Variants in GALNT13 observed in about 807,000 individuals in gnomAD.
GALNT13 encodes polypeptide N-acetylgalactosaminyltransferase 13, also known as UDP-GalNAc:polypeptide N-acetylgalactosaminyltransferase 13.
In GALNT13, 28 loss-of-function variants were observed where a neutral mutation model predicts 64.2. The observed-to-expected ratio is 0.44, with a 90% CI of 0.32 to 0.60. The LOEUF (loss-of-function observed/expected upper bound fraction) is 0.60, where lower values mean the gene tolerates loss of function less well. Ranked by LOEUF, GALNT13 falls within the 20% of genes least tolerant of loss-of-function variation. GALNT13 has a pLI of 0.05. For synonymous variants in GALNT13, 214 were observed against 224.6 expected, an observed-to-expected ratio of 0.95 and a Z score of 0.42; for missense variants, 577 against 669.8, an observed-to-expected ratio of 0.86 and a Z score of 1.53.
At chr2:153,891,812 T>C (rs56314627) in intron 1 of GALNT13, among the ~76,000 whole-genome samples, 19,734 of 152,016 alleles carry the variant, frequency 0.13, 1,432 homozygotes, top group South Asian at 0.21. Flanking sequence ...TCAAGGTCCT[T>C]CTTAGAGATC....
At chr2:153,342,445 T>C in the GALNT13 span, among the ~76,000 whole-genome samples, 1 of 152,224 alleles carries the variant, frequency 6.6e-6, no homozygotes, top group Admixed American at 6.5e-5. Flanking sequence ...TAATGAGCAG[T>C]GGTGTTCAAT....
chr2:153,719,469 G>A, the GALNT13 span, among the ~76,000 whole-genome samples: 1 of 152,140 alleles, frequency 6.6e-6, no homozygotes, highest in Non-Finnish European at 1.5e-5. Flanking sequence ...CAAGATGGCC[G>A]AATAGGAACA....
chr2:153,402,661 G>A, the GALNT13 span, among the ~76,000 whole-genome samples: 17 of 151,592 alleles, frequency 1.1e-4, no homozygotes, highest in South Asian at 2.1e-4. Context: ...TTCCCTTCTC[G>A]CTTCATTTCA....
chr2:153,192,589 T>C, the GALNT13 span, among the ~76,000 whole-genome samples: 3 of 152,114 alleles, frequency 2.0e-5, no homozygotes, highest in Non-Finnish European at 2.9e-5. Flanking sequence ...TTGCTGAGAG[T>C]GGTGTGTTGA....
chr2:153,725,023 A>G, the GALNT13 span, among the ~76,000 whole-genome samples: 1 of 151,284 alleles, frequency 6.6e-6, no homozygotes, highest in Non-Finnish European at 1.5e-5. Context: ...TTATTGCAGC[A>G]TTATTCACAA....
chr2:153,403,649 G>A, the GALNT13 span, among the ~76,000 whole-genome samples: 5 of 152,188 alleles, frequency 3.3e-5, no homozygotes, highest in Non-Finnish European at 5.9e-5. Context: ...TTTTCAAGCC[G>A]GTCGGAAAAG....
intron 9 of GALNT13, among the ~76,000 whole-genome samples, chr2:154,376,281 T>C (rs1697988239): frequency 6.6e-6 from 1 of 152,166 alleles, no homozygotes; most frequent in South Asian, 2.1e-4. Flanking sequence ...CTGCCTATTT[T>C]GAGTTCAGCT....
At chr2:153,614,567 A>G in the GALNT13 span, among the ~76,000 whole-genome samples, 2 of 152,078 alleles carry the variant, frequency 1.3e-5, no homozygotes, top group Admixed American at 1.3e-4. Flanking sequence ...GCACAGGTAC[A>G]GAATTTGAAC....
chr2:153,645,929 C>A, the GALNT13 span, among the ~76,000 whole-genome samples: 1 of 152,030 alleles, frequency 6.6e-6, no homozygotes, highest in African/African-American at 2.4e-5. Flanking sequence ...CAAAATGTTA[C>A]TAAAATTTTA....
At chr2:153,359,670 T>C in the GALNT13 span, among the ~76,000 whole-genome samples, 1 of 76,886 alleles carries the variant, frequency 1.3e-5, no homozygotes, top group African/African-American at 4.6e-5. Flanking sequence ...AAAAGTGACA[T>C]ATGAGAAGGC....
At chr2:153,146,187 C>A in the GALNT13 span, among the ~76,000 whole-genome samples, 6 of 149,014 alleles carry the variant, frequency 4.0e-5, no homozygotes, top group South Asian at 1.3e-3. Flanking sequence ...TTTTTTTTTC[C>A]AATGACCCTT....
At chr2:154,159,666 T>C (rs1310406186) in intron 4 of GALNT13, among the ~76,000 whole-genome samples, 1 of 152,128 alleles carries the variant, frequency 6.6e-6, no homozygotes, top group Non-Finnish European at 1.5e-5. Flanking sequence ...GATGAGTTAG[T>C]GTTTTTTTAA....
intron 11 of GALNT13, among the ~76,000 whole-genome samples, chr2:154,411,104 A>G (rs2105397701): frequency 6.6e-6 from 1 of 151,954 alleles, no homozygotes; most frequent in Non-Finnish European, 1.5e-5. Context: ...GTACCTTAGA[A>G]CTTTGTAGAC....
chr2:153,574,294 C>A, the GALNT13 span, among the ~76,000 whole-genome samples: 1 of 151,654 alleles, frequency 6.6e-6, no homozygotes, highest in Non-Finnish European at 1.5e-5. Flanking sequence ...TATCCTTGAC[C>A]TTTGGGAGTT....
At chr2:153,205,177 G>GTTT in the GALNT13 span, among the ~76,000 whole-genome samples, 39 of 135,898 alleles carry the variant, frequency 2.9e-4, 3 homozygotes, top group African/African-American at 6.5e-4. Flanking sequence ...AAACTTTAGT[G>GTTT]TTTTTTTTTT....
chr2:153,811,213 CTT>C, the GALNT13 span, among the ~76,000 whole-genome samples: 1 of 152,128 alleles, frequency 6.6e-6, no homozygotes. Flanking sequence ...AAATCCAGGT[CTT>C]TTTATTTCGA....
intron 3 of GALNT13, among the ~76,000 whole-genome samples, chr2:153,976,653 A>G (rs1406357826): frequency 1.3e-5 from 2 of 152,168 alleles, no homozygotes; most frequent in Non-Finnish European, 2.9e-5. Context: ...CATTTTGGAA[A>G]ACAAAAGCCA....
rs534728391 is a variant in GALNT13, at chr2:154,018,313, G to T, written c.142+73674G>T. ...AACCATAGGAGAAGGAGCCACGTTT[G>T]CAAAATGCAATTAAAGTAGCCACTT... On this transcript the variant is annotated intron_variant, in intron 3 of 12. Transcript: ENST00000392825. Among the ~76,000 whole-genome samples, 53 of 152,308 alleles carry T rather than the reference G, an allele frequency of 3.5e-4. 1 individual carries two copies. The highest frequency in any genetic ancestry group is 3.4e-3 in the Middle Eastern group (1 of 294).
the GALNT13 span, among the ~76,000 whole-genome samples, chr2:153,098,770 G>C: frequency 1.3e-5 from 2 of 152,118 alleles, no homozygotes; most frequent in Non-Finnish European, 2.9e-5. Context: ...ATTGACTGGA[G>C]TGGATTTCCT....
Sources: allele counts gnomAD v4.1 joint callset (sites outside exome capture counted in the v4.1 genomes callset), GRCh38; gene constraint gnomAD v4.1.1; transcripts MANE v1.5; gene names NCBI Gene and HGNC (gene_info 2026-07-23, HGNC 2026-07-21).